SLC8A1: variants seen among roughly 807,000 people sequenced by gnomAD.
SLC8A1 encodes sodium/calcium exchanger 1.
A neutral mutation model predicts 68.3 loss-of-function variants in SLC8A1; 18 were observed. The observed-to-expected ratio is 0.26, with a 90% CI of 0.18 to 0.39. The LOEUF (loss-of-function observed/expected upper bound fraction) is 0.39. SLC8A1 is among the 10% of genes least tolerant of loss of function. The probability of loss-of-function intolerance (pLI) is 1.00; values close to 1 mark genes in which losing one functional copy is unlikely to be tolerated. For missense variants in SLC8A1, 985 were observed against 1,156.7 expected, an observed-to-expected ratio of 0.85 and a Z score of 2.15; for synonymous variants, 475 against 415.5, an observed-to-expected ratio of 1.14 and a Z score of -1.74.
exon 6 of SLC8A1, chr2:40,160,822 C>A: frequency 6.2e-7 from 1 of 1,613,272 alleles, no homozygotes; most frequent in South Asian, 1.1e-5. Context: ...GTCCCAACCA[C>A]AAGGGCCAGG....
At chr2:40,249,302 A>C (rs2062368738) in intron 2 of SLC8A1, among the ~76,000 whole-genome samples, 1 of 152,222 alleles carries the variant, frequency 6.6e-6, no homozygotes, top group South Asian at 2.1e-4. Context: ...TTTGAGGTAT[A>C]TACTTTCAAA....
At chr2:40,289,009 C>T (rs1010989968) in intron 2 of SLC8A1, among the ~76,000 whole-genome samples, 3 of 151,498 alleles carry the variant, frequency 2.0e-5, no homozygotes, top group Non-Finnish European at 2.9e-5. Context: ...CCAAAATGAC[C>T]ATATCTTTTG....
intron 2 of SLC8A1, among the ~76,000 whole-genome samples, chr2:40,298,980 G>C (rs2070931973): frequency 6.6e-6 from 1 of 152,130 alleles, no homozygotes; most frequent in South Asian, 2.1e-4. Flanking sequence ...TGGGAGTAAA[G>C]AGAGTGGCAA....
chr2:40,175,005 TTTAAGA>T (rs1270413057), intron 3 of SLC8A1, among the ~76,000 whole-genome samples, 163 bp from the exon 5 acceptor site: 1 of 152,140 alleles, frequency 6.6e-6, no homozygotes, highest in Non-Finnish European at 1.5e-5. Context: ...TAATCGTTCT[TTTAAGA>T]TTATGAGATT....
intron 1 of SLC8A1, among the ~76,000 whole-genome samples, chr2:40,440,733 C>T (rs1448531008): frequency 6.6e-6 from 1 of 152,146 alleles, no homozygotes; most frequent in Non-Finnish European, 1.5e-5. Flanking sequence ...TTCAACATCG[C>T]TTCATGTTAA....
intron 2 of SLC8A1, among the ~76,000 whole-genome samples, chr2:40,325,709 G>A (rs1039155486): frequency 1.4e-5 from 2 of 147,820 alleles, no homozygotes; most frequent in African/African-American, 5.0e-5. Context: ...CAAGACGGGT[G>A]GATCACAAGG....
chr2:40,503,047 G>C (rs1478974165), intron 1 of SLC8A1, among the ~76,000 whole-genome samples: 1 of 151,912 alleles, frequency 6.6e-6, no homozygotes, highest in Non-Finnish European at 1.5e-5. Flanking sequence ...TCTGTTTCTT[G>C]ATCTATTTGA....
chr2:40,221,276 A>G (rs2058295494), intron 2 of SLC8A1, among the ~76,000 whole-genome samples: 1 of 152,228 alleles, frequency 6.6e-6, no homozygotes, highest in Non-Finnish European at 1.5e-5. Context: ...ACCAATGGCA[A>G]AAACCACATG....
chr2:40,268,334 C>T, intron 2 of SLC8A1, among the ~76,000 whole-genome samples: 1 of 152,098 alleles, frequency 6.6e-6, no homozygotes, highest in East Asian at 1.9e-4. Flanking sequence ...TCTCCATTTT[C>T]AACAATTCAC....
At chr2:40,280,007 T>C (rs2149180496) in intron 2 of SLC8A1, among the ~76,000 whole-genome samples, 1 of 152,344 alleles carries the variant, frequency 6.6e-6, no homozygotes, top group African/African-American at 2.4e-5. Context: ...GCAGACCATG[T>C]AGATACAGCA....
At chr2:40,335,102 C>G (rs1022446020) in intron 2 of SLC8A1, among the ~76,000 whole-genome samples, 1 of 152,150 alleles carries the variant, frequency 6.6e-6, no homozygotes, top group African/African-American at 2.4e-5. Context: ...AATGAATTTC[C>G]TGCTAAGATA....
intron 2 of SLC8A1, among the ~76,000 whole-genome samples, chr2:40,362,381 T>C (rs375283354): frequency 2.6e-5 from 4 of 152,048 alleles, no homozygotes; most frequent in African/African-American, 9.7e-5. Flanking sequence ...TAAAAAGGTA[T>C]ACAGGTAAAT....
At chr2:40,351,354 G>C (rs189086899) in intron 2 of SLC8A1, among the ~76,000 whole-genome samples, 282 of 152,094 alleles carry the variant, frequency 1.9e-3, no homozygotes, top group Admixed American at 3.1e-3. Flanking sequence ...CATCTCCCTG[G>C]TTAAGAGTGA....
intron 1 of SLC8A1, among the ~76,000 whole-genome samples, chr2:40,470,059 T>C (rs1213506073): frequency 6.6e-6 from 1 of 151,492 alleles, no homozygotes; most frequent in Non-Finnish European, 1.5e-5. Flanking sequence ...AGTTTCAACA[T>C]TGTTTTAGTA....
chr2:40,450,039 C>A (rs1702146805), intron 1 of SLC8A1, among the ~76,000 whole-genome samples: 2 of 152,184 alleles, frequency 1.3e-5, no homozygotes, highest in Non-Finnish European at 2.9e-5. Flanking sequence ...CATTTAAGAG[C>A]ACACATCTTG....
At chr2:40,175,908 G>C (rs940594312) in intron 3 of SLC8A1, 25 of 400,466 alleles carry the variant, frequency 6.2e-5, no homozygotes, top group African/African-American at 4.9e-4. Flanking sequence ...AATCCTTAAA[G>C]CTTAATAGTC....
intron 2 of SLC8A1, among the ~76,000 whole-genome samples, chr2:40,302,599 G>GATAT (rs61409801): frequency 1.4e-5 from 2 of 147,802 alleles, no homozygotes; most frequent in African/African-American, 5.0e-5. Context: ...ACATATGTAT[G>GATAT]ATATATATAT....
chr2:40,104,729 T>C (rs1368650588), exon 8 of SLC8A1: 2 of 152,204 alleles, frequency 1.3e-5, no homozygotes, highest in Non-Finnish European at 2.9e-5. Context: ...AAATAAATGC[T>C]TGATTTATGA....
intron 1 of SLC8A1, among the ~76,000 whole-genome samples, chr2:40,443,563 G>A (rs76634646): frequency 6.6e-6 from 1 of 152,170 alleles, no homozygotes; most frequent in African/African-American, 2.4e-5. Flanking sequence ...GGGACAAAAA[G>A]TAGCTTCTAT....
Sources: allele counts gnomAD v4.1 joint callset (sites outside exome capture counted in the v4.1 genomes callset), GRCh38; gene constraint gnomAD v4.1.1; transcripts MANE v1.5; gene names NCBI Gene and HGNC (gene_info 2026-07-23, HGNC 2026-07-21).